Variants in DNAH11 observed in about 807,000 individuals in gnomAD.
The protein encoded by DNAH11 is dynein axonemal heavy chain 11.
DNAH11 carries 442 observed loss-of-function variants against 526.0 expected under a neutral mutation model. That is an observed-to-expected ratio of 0.84 (90% CI 0.78 to 0.91). The LOEUF (loss-of-function observed/expected upper bound fraction) is 0.91, where lower values mean the gene tolerates loss of function less well. Among genes scored for constraint, DNAH11 ranks in the 40% least tolerant of loss-of-function variants. The probability of loss-of-function intolerance (pLI) is 0.00; values close to 1 mark genes in which losing one functional copy is unlikely to be tolerated. For missense variants in DNAH11, 6,989 were observed against 5,448.7 expected (o/e 1.28, Z -8.90); for synonymous variants, 2,461 against 1,935.9 (o/e 1.27, Z -7.12).
chr7:21,900,812 A>C, intron 81 of DNAH11, 195 bp from the exon 82 acceptor site: 1 of 764,392 alleles, frequency 1.3e-6, no homozygotes, highest in Non-Finnish European at 1.9e-6. Context: ...CATGGAAGCA[A>C]AGCGGTGCCT....
chr7:21,648,847 A>C (rs1235067104), intron 28 of DNAH11, among the ~76,000 whole-genome samples: 3 of 152,184 alleles, frequency 2.0e-5, no homozygotes, highest in Non-Finnish European at 4.4e-5. Context: ...AACAAGTACT[A>C]ATCCAAGTTT....
At chr7:21,818,895 C>G (rs562739386) in intron 65 of DNAH11, among the ~76,000 whole-genome samples, 1 of 152,252 alleles carries the variant, frequency 6.6e-6, no homozygotes, top group South Asian at 2.1e-4. Flanking sequence ...CTTCCCCCTA[C>G]CCCTCCAGGA....
chr7:21,773,991 G>T lies in DNAH11; in HGVS notation c.9328G>T (p.Ala3110Ser). ...CGGCATCCAAAAGCTAAAAACCACA[G>T]CCTCTCAGGTATGACCAGGATGTGT... The part of the protein sequence containing the change: ...VNGIQKLKTT[A>S]SQVGDLKARL... Residue 3110 changes from alanine to serine, a missense_variant, in exon 56 of 82, where the codon GCC becomes TCC. Coordinates refer to ENST00000409508, the MANE Select transcript of DNAH11 (RefSeq NM_001277115.2). 6.4e-7 allele frequency: 1 copy of T among 1,562,574 alleles called. No homozygotes were observed. The highest frequency in any genetic ancestry group is 1.4e-5 in the African/African-American group (1 of 73,206).
In DNAH11 at chr7:21,844,059, C is replaced by T. The variant is rs192644837; in HGVS notation, c.10896+1311C>T. On this transcript the variant is annotated intron_variant, in intron 66 of 81. Coordinates refer to ENST00000409508, the MANE Select transcript of DNAH11 (RefSeq NM_001277115.2). ...TTTTTCTTAGTATAAATCAGGGGTC[C>T]GCAAACTGTGGCTTCCATGCCTAAT... 9.9e-5 allele frequency among the ~76,000 whole-genome samples: 15 copies of T among 152,232 alleles called. No individual in the cohort carries two copies. In the East Asian group the frequency reaches 2.1e-3, roughly 22 times the overall value.
chr7:21,735,954 T>C (rs914814090), intron 46 of DNAH11, 110 bp downstream of exon 46: 2 of 1,039,750 alleles, frequency 1.9e-6, no homozygotes, highest in Admixed American at 2.6e-5. Context: ...GAGTTGTTGC[T>C]TGGGCCTTAG....
At chr7:21,841,205 T>C (rs570795453) in intron 65 of DNAH11, among the ~76,000 whole-genome samples, 1 of 152,144 alleles carries the variant, frequency 6.6e-6, no homozygotes, top group Non-Finnish European at 1.5e-5. Context: ...AAAGAATATA[T>C]GTGTTTTTAA....
At chr7:21,787,718 C>A in intron 60 of DNAH11, 135 bp downstream of exon 60, 2 of 707,500 alleles carry the variant, frequency 2.8e-6, no homozygotes, top group African/African-American at 1.8e-5. Flanking sequence ...AAGACTAAGA[C>A]ATGAGCATGT....
rs1583815167 is a variant in DNAH11, at chr7:21,889,009, C to T, written c.12508-3416C>T. 2.2e-5 allele frequency among the ~76,000 whole-genome samples: 3 copies of T among 135,796 alleles called. No homozygotes were observed. The East Asian group carries it at 6.0e-4, about 27-fold the overall frequency. The allele number at this position is 135,796 out of a possible 152,430, so 89.1% of individuals were successfully genotyped here. On this transcript the variant is annotated intron_variant, in intron 76 of 81. Transcript: ENST00000409508. The stretch of plus-strand genomic sequence containing the variant: ...AGTTTATTACCCACGCCCCACCCAC[C>T]CAAAAAAAAAAACCCTGCAGCCATT...
rs775720394 is a variant in DNAH11, at chr7:21,899,355, C to A, written c.13069C>A (p.Arg4357=). The change falls in exon 80 of 82, where the codon CGA becomes AGA. Residue 4357 remains arginine, a synonymous_variant. Coordinates refer to ENST00000409508, the MANE Select transcript of DNAH11 (RefSeq NM_001277115.2). ...AACCAGGTTCAATGACCTCCTCCTG[C>A]GATGCCGAGAACTCGATACTTGGAC... The part of the protein sequence containing the change: ...LAQWFNDLLL[R]CRELDTWTQD... 3.7e-5 allele frequency: 60 copies of A among 1,613,882 alleles called. No individual in the cohort carries two copies. Among genetic ancestry groups the A allele is most frequent in the Non-Finnish European group, 4.7e-5 (55 of 1,179,876 alleles).
intron 45 of DNAH11, among the ~76,000 whole-genome samples, chr7:21,729,273 C>G (rs544840367): frequency 6.6e-6 from 1 of 152,296 alleles, no homozygotes; most frequent in Admixed American, 6.5e-5. Flanking sequence ...CTCTTTACCC[C>G]AAGCTGGCAA....
In DNAH11 at chr7:21,717,925, G is replaced by C; in HGVS notation, c.7134G>C (p.Gln2378His). Residue 2378 changes from glutamine (Q) to histidine (H), a missense_variant and splice_region_variant, in exon 43 of 82, where the codon CAG becomes CAC. Gln to His is a conservative substitution (Grantham distance 24, BLOSUM62 0). Coordinates refer to ENST00000409508, the MANE Select transcript of DNAH11 (RefSeq NM_001277115.2). ...CAATTCCTGAGAGTAGCCTGGTGCA[G>C]GTTTGTCTTCGGTTACGCCATTTAA... ...ITSIPESSLV[Q>H]TLCVLLECLL... The C allele has an allele frequency of 6.2e-7, 1 of 1,610,988 alleles. No individual in the cohort carries two copies. The highest frequency in any genetic ancestry group is 1.1e-5 in the South Asian group (1 of 90,670).
rs1449521851 is a variant in DNAH11, at chr7:21,847,948, G to A, written c.10897-4519G>A. Among the ~76,000 whole-genome samples the A allele has an allele frequency of 5.3e-5, 8 of 152,094 alleles. No homozygotes were observed. In the East Asian group the frequency reaches 5.8e-4, roughly 11 times the overall value. ...TGGGAGGCTGAGACGGGCGGATCAC[G>A]AGGTCAGGGGATCGATACCATCCTG... On this transcript the variant is annotated intron_variant, in intron 66 of 81. Coordinates refer to ENST00000409508, the MANE Select transcript of DNAH11 (RefSeq NM_001277115.2).
chr7:21,599,945 G>A lies in DNAH11; in HGVS notation c.2826G>A (p.Pro942=), dbSNP rs368794820. 80 of 1,613,054 alleles carry A rather than the reference G, an allele frequency of 5.0e-5. No homozygotes were observed. The highest frequency in any genetic ancestry group is 2.7e-4 in the African/African-American group (20 of 74,980). ...KNTEKQLKPA[P]FFQAQMILLP... ...CAGAGAAACAATTGAAACCGGCACCGTTTTTTCAAGCACAAATGATCTTGT... is the reference window on the plus strand; with the variant it reads ...CAGAGAAACAATTGAAACCGGCACCATTTTTTCAAGCACAAATGATCTTGT... Residue 942 remains proline (P), a synonymous_variant, in exon 15 of 82, where the codon CCG becomes CCA. Transcript: ENST00000409508.
chr7:21,860,790 G>A (rs1304124770), intron 68 of DNAH11, among the ~76,000 whole-genome samples: 1 of 152,168 alleles, frequency 6.6e-6, no homozygotes, highest in East Asian at 1.9e-4. Context: ...AAGAAAAAGA[G>A]GTTTAGTGGA....
intron 34 of DNAH11, among the ~76,000 whole-genome samples, chr7:21,689,230 T>C (rs1783511944): frequency 6.6e-6 from 1 of 152,232 alleles, no homozygotes; most frequent in Non-Finnish European, 1.5e-5. Flanking sequence ...AGTCAAAATC[T>C]TTTTATTTGA....
chr7:21,877,375 A>T (rs1001526494), intron 74 of DNAH11, among the ~76,000 whole-genome samples: 2 of 152,138 alleles, frequency 1.3e-5, no homozygotes, highest in African/African-American at 4.8e-5. Context: ...ATGCCTGGCT[A>T]ATTTTTAAAT....
At chr7:21,730,079 CA>C (rs1785307106) in intron 45 of DNAH11, among the ~76,000 whole-genome samples, 1 of 152,184 alleles carries the variant, frequency 6.6e-6, no homozygotes, top group Non-Finnish European at 1.5e-5. Flanking sequence ...GGAGGTTCCT[CA>C]AATTAAAAAT....
rs1221902226 is a variant in DNAH11, at chr7:21,545,044, CAAG to C, written c.395_397del (p.Lys132del). The stretch of plus-strand genomic sequence containing the variant: ...CAAACCATAAACTTGTTTTTATTTC[CAAG>C]AAGATTACTGAAAGCATTGGAGTAA... On this transcript the variant is annotated inframe_deletion, in exon 2 of 82. Coordinates refer to ENST00000409508, the MANE Select transcript of DNAH11 (RefSeq NM_001277115.2). The C allele has an allele frequency of 6.3e-6, 10 of 1,597,646 alleles. 1 individual carries two copies. The highest frequency in any genetic ancestry group is 4.6e-5 in the South Asian group (4 of 87,858).
At chr7:21,714,984 A>T (rs1334629079) in intron 42 of DNAH11, among the ~76,000 whole-genome samples, 1 of 152,184 alleles carries the variant, frequency 6.6e-6, no homozygotes, top group Non-Finnish European at 1.5e-5. Context: ...TAGTACTTTC[A>T]CCTGTATCAA....
Sources: gnomAD v4.1 joint callset for allele counts (sites outside exome capture counted in the v4.1 genomes callset) on GRCh38, gnomAD v4.1.1 for gene constraint, MANE v1.5 for transcripts, NCBI Gene and HGNC (gene_info 2026-07-23, HGNC 2026-07-21) for gene names.